The following COL8A1 variants were observed in gnomAD, a reference collection of about 807,000 sequenced individuals.
The protein encoded by COL8A1 is collagen type VIII alpha 1 chain.
In COL8A1, 21 loss-of-function variants were observed where a neutral mutation model predicts 42.7. The observed-to-expected ratio is 0.49, with a 90% CI of 0.35 to 0.71. The LOEUF is 0.71. COL8A1 is among the 30% of genes least tolerant of loss of function. The pLI is 0.01. For missense variants in COL8A1, 788 were observed against 962.4 expected (o/e 0.82, Z 2.40); for synonymous variants, 367 against 369.1 (o/e 0.99, Z 0.06).
intron 1 of COL8A1, among the ~76,000 whole-genome samples, chr3:99,718,862 A>G (rs1367700956): frequency 1.3e-5 from 2 of 152,130 alleles, no homozygotes; most frequent in Non-Finnish European, 2.9e-5. Context: ...AAGATTTCAT[A>G]TTCCAGCTTC....
intron 1 of COL8A1, among the ~76,000 whole-genome samples, chr3:99,648,934 G>C (rs1226543649): frequency 6.6e-6 from 1 of 151,988 alleles, no homozygotes; most frequent in Admixed American, 6.6e-5. Flanking sequence ...AGTATATATA[G>C]AAATAAATAT....
intron 1 of COL8A1, among the ~76,000 whole-genome samples, chr3:99,666,111 G>C (rs1435529319): frequency 6.6e-6 from 1 of 152,080 alleles, no homozygotes; most frequent in East Asian, 1.9e-4. Context: ...ATGAAATCTT[G>C]GAGACTTCAG....
chr3:99,655,833 A>T (rs1938001265), intron 1 of COL8A1, among the ~76,000 whole-genome samples: 1 of 152,238 alleles, frequency 6.6e-6, no homozygotes, highest in African/African-American at 2.4e-5. Flanking sequence ...CTCAGAACAT[A>T]GCCAACTTGA....
At chr3:99,652,719 A>T (rs1255276300) in intron 1 of COL8A1, among the ~76,000 whole-genome samples, 2 of 152,188 alleles carry the variant, frequency 1.3e-5, no homozygotes, top group Non-Finnish European at 2.9e-5. Flanking sequence ...GGCAGCTAAC[A>T]TGTCTTGATG....
At chr3:99,708,255 G>A (rs1172556349) in intron 1 of COL8A1, among the ~76,000 whole-genome samples, 2 of 152,148 alleles carry the variant, frequency 1.3e-5, no homozygotes, top group African/African-American at 4.8e-5. Context: ...AGGCATCCAA[G>A]GGTGCATGCA....
intron 1 of COL8A1, among the ~76,000 whole-genome samples, chr3:99,718,679 C>A (rs1940067543): frequency 6.6e-6 from 1 of 151,872 alleles, no homozygotes; most frequent in African/African-American, 2.4e-5. Context: ...AGAAGTTAAC[C>A]TTTTTTCTGG....
intron 1 of COL8A1, among the ~76,000 whole-genome samples, chr3:99,657,129 G>T (rs1559769668): frequency 6.6e-6 from 1 of 152,094 alleles, no homozygotes; most frequent in Non-Finnish European, 1.5e-5. Context: ...TCCTTTTATG[G>T]GAGGAAAAGA....
chr3:99,701,223 A>G (rs1473859622), intron 1 of COL8A1, among the ~76,000 whole-genome samples: 1 of 152,236 alleles, frequency 6.6e-6, no homozygotes, highest in African/African-American at 2.4e-5. Flanking sequence ...ATTTGGTTTC[A>G]ATTTACTTTT....
At chr3:99,687,953 T>G (rs1324696807) in intron 1 of COL8A1, among the ~76,000 whole-genome samples, 1 of 152,174 alleles carries the variant, frequency 6.6e-6, no homozygotes, top group Non-Finnish European at 1.5e-5. Context: ...AGAGTTGGCT[T>G]ATTTAGGATT....
intron 1 of COL8A1, among the ~76,000 whole-genome samples, chr3:99,650,244 G>T (rs1170918979): frequency 3.3e-5 from 5 of 152,028 alleles, no homozygotes; most frequent in Non-Finnish European, 7.4e-5. Flanking sequence ...AACAAGCACT[G>T]ATCCTTCCCT....
intron 1 of COL8A1, among the ~76,000 whole-genome samples, chr3:99,659,632 A>T (rs1191041491): frequency 6.6e-6 from 1 of 152,204 alleles, no homozygotes; most frequent in Non-Finnish European, 1.5e-5. Context: ...TCTATGGCAA[A>T]AAAAGAGGTT....
At chr3:99,677,584 T>C (rs1048824447) in intron 1 of COL8A1, among the ~76,000 whole-genome samples, 2 of 152,180 alleles carry the variant, frequency 1.3e-5, no homozygotes, top group African/African-American at 4.8e-5. Context: ...CATCTTATAG[T>C]ATGTCACATG....
intron 2 of COL8A1, among the ~76,000 whole-genome samples, chr3:99,764,128 A>G (rs1490340362): frequency 6.6e-6 from 1 of 152,108 alleles, no homozygotes; most frequent in Non-Finnish European, 1.5e-5. Context: ...AAACCATATC[A>G]CGCCCAAATT....
chr3:99,790,610 T>C (rs1941982746), intron 2 of COL8A1, 70 bp from the exon 3 acceptor site: 8 of 1,280,086 alleles, frequency 6.2e-6, no homozygotes, highest in Admixed American at 4.3e-5. Context: ...CCCCATTCTA[T>C]CTCTAAATAA....
intron 2 of COL8A1, among the ~76,000 whole-genome samples, chr3:99,752,498 A>G (rs1437255308): frequency 6.6e-6 from 1 of 151,850 alleles, no homozygotes; most frequent in African/African-American, 2.4e-5. Flanking sequence ...CCTCTCCCCA[A>G]ATGCCCTATC....
chr3:99,727,283 A>C (rs1940363244), intron 1 of COL8A1, among the ~76,000 whole-genome samples: 1 of 152,130 alleles, frequency 6.6e-6, no homozygotes, highest in African/African-American at 2.4e-5. Context: ...GACTTTGCTG[A>C]AGTTGCCTAT....
At chr3:99,687,007 C>T (rs918635593) in intron 1 of COL8A1, among the ~76,000 whole-genome samples, 2 of 152,136 alleles carry the variant, frequency 1.3e-5, no homozygotes, top group Non-Finnish European at 1.5e-5. Context: ...TACACCCAGC[C>T]AATTTTTTTG....
intron 1 of COL8A1, among the ~76,000 whole-genome samples, chr3:99,693,983 T>C (rs1282172925): frequency 6.6e-6 from 1 of 152,192 alleles, no homozygotes; most frequent in African/African-American, 2.4e-5. Flanking sequence ...TGTGTTACAA[T>C]TGCCAACAGT....
rs541232500 is a variant in COL8A1, at chr3:99,663,505, G to A, written c.-129+24841G>A. 2.6e-5 allele frequency among the ~76,000 whole-genome samples: 4 copies of A among 152,222 alleles called. No homozygotes were observed. In the South Asian group the frequency reaches 6.2e-4, roughly 24 times the overall value. ...TTTTTTTAAAGGAATTCTAATCCAA[G>A]CGTTAGTGGCAGTGTTTTGTTTTGT... On this transcript the variant is annotated intron_variant, in intron 1 of 3. Coordinates refer to ENST00000652472, the MANE Select transcript of COL8A1 (RefSeq NM_020351.4).
Sources: allele counts gnomAD v4.1 joint callset (sites outside exome capture counted in the v4.1 genomes callset), GRCh38; gene constraint gnomAD v4.1.1; transcripts MANE v1.5; gene names NCBI Gene and HGNC (gene_info 2026-07-23, HGNC 2026-07-21).